The following MAMLD1 variants were observed in gnomAD, a reference collection of about 807,000 sequenced individuals.
MAMLD1 encodes mastermind like domain containing 1, also known as mastermind-like domain-containing protein 1.
MAMLD1 carries 14 observed loss-of-function variants against 45.0 expected under a neutral mutation model. The ratio of observed to expected loss-of-function variants is 0.31; its 90% CI spans 0.21 to 0.49. The LOEUF is 0.49. Among genes scored for constraint, MAMLD1 ranks in the 20% least tolerant of loss-of-function variants. The pLI is 0.99. For missense variants in MAMLD1, 543 were observed against 603.6 expected, an observed-to-expected ratio of 0.90 and a Z score of 1.05; for synonymous variants, 254 against 247.8, an observed-to-expected ratio of 1.02 and a Z score of -0.24.
At chrX:150,422,682 G>C (rs1557403611) in intron 1 of MAMLD1, among the ~76,000 whole-genome samples, 1 of 111,998 alleles carries the variant, frequency 8.9e-6, no homozygotes, top group African/African-American at 3.3e-5. Context: ...CTCACAAAGT[G>C]CTGGGATTAC....
chrX:150,379,175 C>T (rs1192217423), intron 1 of MAMLD1, among the ~76,000 whole-genome samples: 1 of 111,776 alleles, frequency 8.9e-6, no homozygotes, highest in African/African-American at 3.3e-5. Flanking sequence ...CTGATAACCT[C>T]CAAATTCCAA....
intron 1 of MAMLD1, among the ~76,000 whole-genome samples, chrX:150,401,668 C>T (rs2033771671): frequency 8.9e-6 from 1 of 111,869 alleles, no homozygotes; most frequent in Admixed American, 9.4e-5. Context: ...TGACTTCAAA[C>T]TATACTACAA....
intron 1 of MAMLD1, among the ~76,000 whole-genome samples, chrX:150,423,643 T>C (rs2034606581): frequency 9.3e-6 from 1 of 107,828 alleles, no homozygotes; most frequent in African/African-American, 3.4e-5. Flanking sequence ...AGAGAGAGTA[T>C]ACCAACTAAT....
chrX:150,502,086 GC>G (rs1313809105), intron 5 of MAMLD1, among the ~76,000 whole-genome samples: 1 of 112,984 alleles, frequency 8.9e-6, no homozygotes, highest in African/African-American at 3.2e-5. Context: ...AGTGCCTAAA[GC>G]ACAGCAAATG....
chrX:150,395,318 T>C lies in MAMLD1; in HGVS notation c.-64+31788T>C, dbSNP rs141938367. The stretch of plus-strand genomic sequence containing the variant: ...AGTATATAATTGTTTTTATACATTA[T>C]TGGATTTGACTCATCAGTATTTCAT... On this transcript the variant is annotated intron_variant, in intron 1 of 7. Coordinates refer to ENST00000370401, the MANE Select transcript of MAMLD1 (RefSeq NM_005491.5). 3.2e-4 allele frequency among the ~76,000 whole-genome samples: 36 copies of C among 112,036 alleles called. 1 individual carries two copies. In the East Asian group the frequency reaches 9.9e-3, roughly 31 times the overall value.
chrX:150,447,245 G>C (rs1557404833), intron 2 of MAMLD1, among the ~76,000 whole-genome samples: 1 of 112,358 alleles, frequency 8.9e-6, no homozygotes, highest in Non-Finnish European at 1.9e-5. Flanking sequence ...TCACACTTTG[G>C]ATTTGATCAA....
chrX:150,456,344 T>G (rs782678514), intron 2 of MAMLD1, among the ~76,000 whole-genome samples: 1 of 111,021 alleles, frequency 9.0e-6, no homozygotes, highest in South Asian at 3.9e-4. Flanking sequence ...AGTTTACCCA[T>G]GTGTAAATCA....
At chrX:150,416,968 A>G (rs1388826507) in intron 1 of MAMLD1, among the ~76,000 whole-genome samples, 1 of 111,653 alleles carries the variant, frequency 9.0e-6, no homozygotes, top group East Asian at 2.8e-4. Context: ...TGAACTCTTC[A>G]CAAATCTTTT....
At chrX:150,394,650 T>C (rs2033344739) in intron 1 of MAMLD1, among the ~76,000 whole-genome samples, 1 of 111,861 alleles carries the variant, frequency 8.9e-6, no homozygotes, top group African/African-American at 3.2e-5. Context: ...ATAGATCTTG[T>C]GCGTATTTTC....
intron 1 of MAMLD1, among the ~76,000 whole-genome samples, chrX:150,426,304 G>A (rs1372001167): frequency 8.9e-6 from 1 of 112,482 alleles, no homozygotes; most frequent in Admixed American, 9.4e-5. Flanking sequence ...CATGACTGAT[G>A]ACAGTGGCTT....
At position 150,500,370 on chromosome X, in the gene MAMLD1, C is replaced by T. The variant is rs782778834; in HGVS notation, c.2041-2904C>T. Among the ~76,000 whole-genome samples, 34 of 110,961 alleles carry T rather than the reference C, an allele frequency of 3.1e-4. 1 individual carries two copies. The South Asian group carries it at 4.3e-3, about 14-fold the overall frequency. On this transcript the variant is annotated intron_variant, in intron 5 of 7. Transcript: ENST00000370401. ...ACTGGGGGTACGTGACATTATGGAA[C>T]GCAAAACCTGGCTGCTGAGAGGGTG... is the stretch of plus-strand genomic sequence containing the variant.
rs1557409176 is a variant in MAMLD1 at position 150,512,306 on chromosome X, G to A, written c.*347G>A. ...GAGTCCCAAGGCCACCCCACCAGAA[G>A]TGCCCCTGCCTGGGTTCTGTCCCAG... On this transcript the variant is annotated 3_prime_UTR_variant, in exon 8 of 8. Transcript: ENST00000370401. The A allele has an allele frequency of 8.9e-7, 1 of 1,127,856 alleles. No individual in the cohort carries two copies. The highest frequency in any genetic ancestry group is 2.1e-5 in the South Asian group (1 of 48,103). 92.9% of individuals were successfully genotyped at this position (1,127,856 alleles called of 1,213,427 possible).
At chrX:150,482,416 G>C (rs782087907) in intron 5 of MAMLD1, among the ~76,000 whole-genome samples, 2 of 112,405 alleles carry the variant, frequency 1.8e-5, no homozygotes, top group Admixed American at 9.4e-5. Context: ...ACAGGAAAAT[G>C]AAAAAGTTCT....
chrX:150,414,490 C>T (rs935325061), intron 1 of MAMLD1, among the ~76,000 whole-genome samples: 1 of 111,417 alleles, frequency 9.0e-6, no homozygotes, highest in Non-Finnish European at 1.9e-5. Flanking sequence ...GACCTGGAGG[C>T]AAGTCCCAGG....
At chrX:150,442,102 C>T (rs1354784842) in intron 1 of MAMLD1, among the ~76,000 whole-genome samples, 1 of 107,700 alleles carries the variant, frequency 9.3e-6, no homozygotes, top group Non-Finnish European at 1.9e-5. Context: ...ACTAGAGCCA[C>T]CTCTGTTACT....
intron 6 of MAMLD1, among the ~76,000 whole-genome samples, chrX:150,509,062 G>A (rs2037824701): frequency 3.6e-5 from 4 of 111,557 alleles, no homozygotes; most frequent in South Asian, 7.6e-4. Context: ...TCCTTGAGCC[G>A]ATCCCAGACT....
At chrX:150,466,873 G>A (rs1027509753) in intron 3 of MAMLD1, among the ~76,000 whole-genome samples, 3 of 111,903 alleles carry the variant, frequency 2.7e-5, no homozygotes, top group Non-Finnish European at 5.6e-5. Flanking sequence ...GTTAGTGGCA[G>A]ACCAACAATT....
chrX:150,489,745 G>A (rs968923154), intron 5 of MAMLD1, among the ~76,000 whole-genome samples: 3 of 109,567 alleles, frequency 2.7e-5, no homozygotes, highest in African/African-American at 6.7e-5. Context: ...ACTCCTTTTT[G>A]TCTGCTTAGG....
chrX:150,375,956 G>T (rs1390902060), intron 1 of MAMLD1, among the ~76,000 whole-genome samples: 1 of 111,906 alleles, frequency 8.9e-6, no homozygotes, highest in African/African-American at 3.3e-5. Flanking sequence ...CCAGCTTTCT[G>T]AGTCTGGGAG....
Sources: gnomAD v4.1 joint callset for allele counts (sites outside exome capture counted in the v4.1 genomes callset) on GRCh38, gnomAD v4.1.1 for gene constraint, MANE v1.5 for transcripts, NCBI Gene and HGNC (gene_info 2026-07-23, HGNC 2026-07-21) for gene names.